Variants in FAM83D observed in about 807,000 individuals in gnomAD.
The protein encoded by FAM83D is scaffolding CK1 anchoring protein D, also known as protein FAM83D.
Under a neutral mutation model 25.4 loss-of-function variants are expected in FAM83D, and 26 were observed. That is an observed-to-expected ratio of 1.02 (90% CI 0.75 to 1.42). The LOEUF (loss-of-function observed/expected upper bound fraction) is 1.42. FAM83D is among the 40% of genes most tolerant of loss of function. The probability of loss-of-function intolerance (pLI) is 0.00; values close to 1 mark genes in which losing one functional copy is unlikely to be tolerated. For missense variants in FAM83D, 740 were observed against 758.1 expected (o/e 0.98, Z 0.28); for synonymous variants, 310 against 318.5 (o/e 0.97, Z 0.28).
chr20:38,944,596 T>C (rs67882716), intron 2 of FAM83D, among the ~76,000 whole-genome samples: 26,824 of 152,116 alleles, frequency 0.18, 2,563 homozygotes, highest in East Asian at 0.34. Context: ...TTGCCTACTG[T>C]TGGTTGTTGC....
At position 38,926,541 on chromosome 20, in the gene FAM83D, C is replaced by G. The variant is rs1409971940; in HGVS notation, c.99C>G (p.Arg33=). The G allele has an allele frequency of 1.3e-5, 20 of 1,585,216 alleles. No homozygotes were observed. The highest frequency in any genetic ancestry group is 1.7e-5 in the Non-Finnish European group (20 of 1,172,764). ...CCGAGCTGTTCAGCGAGTCACGGCG[C>G]CTGGCTCTGGAGGAGCTGGTGGCGG... ...NPTELFSESR[R]LALEELVAGG... The change falls in exon 1 of 4, where the codon CGC becomes CGG. Residue 33 remains arginine (R), a synonymous_variant. Transcript: ENST00000619850.
chr20:38,946,093 T>C (rs1406998924), intron 2 of FAM83D, among the ~76,000 whole-genome samples: 5 of 151,382 alleles, frequency 3.3e-5, no homozygotes, highest in Admixed American at 2.6e-4. Context: ...GCCTGTAGTC[T>C]TAGCTACTCG....
chr20:38,944,181 A>C (rs6028217), intron 2 of FAM83D, among the ~76,000 whole-genome samples: 1 of 152,212 alleles, frequency 6.6e-6, no homozygotes, highest in Non-Finnish European at 1.5e-5. Context: ...CTTTGGTACT[A>C]TAAGTTACTG....
rs2145797619 is a variant in FAM83D at position 38,926,913 on chromosome 20, C to T, written c.471C>T (p.Arg157=). 6.8e-7 allele frequency: 1 copy of T among 1,461,362 alleles called. No individual in the cohort carries two copies. The highest frequency in any genetic ancestry group is 2.5e-5 in the Admixed American group (1 of 40,288). 90.5% of individuals were successfully genotyped at this position (1,461,362 alleles called of 1,614,324 possible). A position where few individuals can be genotyped will look rare whatever the true frequency, so the allele number is the denominator to read the frequency against. Residue 157 remains arginine, a synonymous_variant, in exon 1 of 4, where the codon CGC becomes CGT. Coordinates refer to ENST00000619850, the MANE Select transcript of FAM83D (RefSeq NM_030919.3). ...GCKDALRQQL[R]SAREVIAVVM... Reference sequence around the variant, plus strand: ...AGGACGCTCTGCGCCAGCAGCTCCGCTCGGCGCGAGAGGTGAGCGGCCCTC... The same window carrying T: ...AGGACGCTCTGCGCCAGCAGCTCCGTTCGGCGCGAGAGGTGAGCGGCCCTC...
chr20:38,929,251 A>G (rs67343649), intron 1 of FAM83D, among the ~76,000 whole-genome samples: 26,972 of 151,868 alleles, frequency 0.18, 2,594 homozygotes, highest in East Asian at 0.35. Flanking sequence ...TTGCTTACTC[A>G]TTGCCTGCTG....
intron 1 of FAM83D, among the ~76,000 whole-genome samples, chr20:38,930,106 G>C (rs904410391): frequency 2.0e-5 from 3 of 152,242 alleles, no homozygotes; most frequent in African/African-American, 7.2e-5. Context: ...TTGTGGACAA[G>C]GGAGTGGCTG....
intron 2 of FAM83D, among the ~76,000 whole-genome samples, chr20:38,946,197 C>CAAAAAAAAAAAA: frequency 1.3e-5 from 1 of 78,558 alleles, no homozygotes; most frequent in Non-Finnish European, 2.5e-5. Context: ...GACTCCACCT[C>CAAAAAAAAAAAA]AAAAAAAAAA....
At position 38,936,751 on chromosome 20, in the gene FAM83D, A is replaced by G. The variant is rs147198022; in HGVS notation, c.484-5208A>G. Among the ~76,000 whole-genome samples the G allele has an allele frequency of 9.7e-3, 1,481 of 152,206 alleles. 6 individuals carry two copies. Among genetic ancestry groups the G allele is most frequent in the Middle Eastern group, 0.027 (8 of 294 alleles). On this transcript the variant is annotated intron_variant, in intron 1 of 3. Coordinates refer to ENST00000619850, the MANE Select transcript of FAM83D (RefSeq NM_030919.3). ...TCTCCAAGCTTTGGCTTTCTCATCT[A>G]TAAATTGGGGATGACAGGTAATGGG...
intron 1 of FAM83D, among the ~76,000 whole-genome samples, chr20:38,936,549 T>TA (rs1178284796): frequency 2.0e-5 from 3 of 152,208 alleles, no homozygotes; most frequent in African/African-American, 7.2e-5. Flanking sequence ...ACTGATCCTT[T>TA]AGTGTTTGTT....
chr20:38,932,243 G>A (rs1390088462), intron 1 of FAM83D, among the ~76,000 whole-genome samples: 2 of 152,140 alleles, frequency 1.3e-5, no homozygotes, highest in Non-Finnish European at 2.9e-5. Context: ...AAAATTAGCC[G>A]GGTGTGGTGG....
rs185025746 is a variant in FAM83D at position 38,945,772 on chromosome 20, T to C, written c.652-2104T>C. Among the ~76,000 whole-genome samples the C allele has an allele frequency of 1.6e-3, 223 of 137,430 alleles. 3 individuals are homozygous for C. In the East Asian group the frequency reaches 0.05, roughly 31 times the overall value. 90.2% of individuals were successfully genotyped at this position (137,430 alleles called of 152,430 possible). A position where few individuals can be genotyped will look rare whatever the true frequency, so the allele number is the denominator to read the frequency against. On this transcript the variant is annotated intron_variant, in intron 2 of 3. Coordinates refer to ENST00000619850, the MANE Select transcript of FAM83D (RefSeq NM_030919.3). ...ACCACCCCACCCCCCGTTTTTTTTT[T>C]TAAGAGATAAGGTCTCGCTATGTTG...
At chr20:38,944,528 C>T (rs750285118) in intron 2 of FAM83D, among the ~76,000 whole-genome samples, 1 of 152,232 alleles carries the variant, frequency 6.6e-6, no homozygotes, top group Non-Finnish European at 1.5e-5. Context: ...CAACTTTGGT[C>T]AAGTGATTTT....
intron 3 of FAM83D, among the ~76,000 whole-genome samples, chr20:38,948,400 A>G (rs2085738655): frequency 6.6e-6 from 1 of 152,192 alleles, no homozygotes. Context: ...AGGCATCTCC[A>G]TTAGTGTTGA....
At chr20:38,937,939 C>G (rs568310556) in intron 1 of FAM83D, among the ~76,000 whole-genome samples, 6 of 152,266 alleles carry the variant, frequency 3.9e-5, no homozygotes, top group African/African-American at 1.4e-4. Context: ...GCCTGGGCGA[C>G]AGGGTGAAAC....
At chr20:38,946,894 G>C (rs2085730823) in intron 2 of FAM83D, among the ~76,000 whole-genome samples, 1 of 152,120 alleles carries the variant, frequency 6.6e-6, no homozygotes, top group Non-Finnish European at 1.5e-5. Flanking sequence ...TGTGGATATA[G>C]GTTTTCATTT....
At chr20:38,951,409 A>T in intron 3 of FAM83D, 130 bp from the exon 4 acceptor site, 1 of 909,298 alleles carries the variant, frequency 1.1e-6, no homozygotes, top group Non-Finnish European at 1.6e-6. Flanking sequence ...TGCAAATGGT[A>T]GGTATGATAT....
intron 1 of FAM83D, among the ~76,000 whole-genome samples, chr20:38,927,581 C>T (rs2085641796): frequency 1.4e-5 from 2 of 146,980 alleles, no homozygotes. Flanking sequence ...TCACTGCAAC[C>T]TCCGTCCCCC....
rs563000454 is a variant in FAM83D, at chr20:38,938,516, G to T, written c.484-3443G>T. ...AGTGGGAAATCAGAGAGGCAAGCAG[G>T]TGTGTGCATTTTCCTCTTTAGCTTT... On this transcript the variant is annotated intron_variant, in intron 1 of 3. Transcript: ENST00000619850. 7.6e-4 allele frequency among the ~76,000 whole-genome samples: 116 copies of T among 152,358 alleles called. 2 individuals carry two copies. The highest frequency in any genetic ancestry group is 6.8e-3 in the South Asian group (33 of 4,830).
At position 38,942,060 on chromosome 20, in the gene FAM83D, C is replaced by T; in HGVS notation, c.585C>T (p.Asp195=). The change falls in exon 2 of 4, where the codon GAC becomes GAT. Residue 195 remains aspartate, a synonymous_variant. Coordinates refer to ENST00000619850, the MANE Select transcript of FAM83D (RefSeq NM_030919.3). ...KQGVAVYILL[D]QALLSQFLDM... Reference sequence around the variant, plus strand: ...GAGTTGCTGTGTATATCCTTCTGGACCAGGCTCTCCTCTCTCAATTTCTGG... The same window carrying T: ...GAGTTGCTGTGTATATCCTTCTGGATCAGGCTCTCCTCTCTCAATTTCTGG... 2 of 1,614,184 alleles carry T rather than the reference C, an allele frequency of 1.2e-6. No individual in the cohort carries two copies. The highest frequency in any genetic ancestry group is 8.5e-7 in the Non-Finnish European group (1 of 1,180,026).
Sources: allele counts gnomAD v4.1 joint callset (sites outside exome capture counted in the v4.1 genomes callset), GRCh38; gene constraint gnomAD v4.1.1; transcripts MANE v1.5; gene names NCBI Gene and HGNC (gene_info 2026-07-23, HGNC 2026-07-21).